The following ZNF106 variants were observed in gnomAD, a reference collection of about 807,000 sequenced individuals.
ZNF106 encodes zinc finger protein 106.
In ZNF106, 67 loss-of-function variants were observed where a neutral mutation model predicts 195.1. The observed-to-expected ratio is 0.34, with a 90% CI of 0.28 to 0.42. The LOEUF (loss-of-function observed/expected upper bound fraction) is 0.42, where lower values mean the gene tolerates loss of function less well. Ranked by LOEUF, ZNF106 falls within the 10% of genes least tolerant of loss-of-function variation. The pLI is 1.00. For missense variants in ZNF106, 2,118 were observed against 2,304.5 expected, an observed-to-expected ratio of 0.92 and a Z score of 1.66; for synonymous variants, 784 against 818.6, an observed-to-expected ratio of 0.96 and a Z score of 0.72.
At chr15:42,452,515 T>A (rs1445563962) in intron 4 of ZNF106, among the ~76,000 whole-genome samples, 1 of 151,328 alleles carries the variant, frequency 6.6e-6, no homozygotes, top group Non-Finnish European at 1.5e-5. Flanking sequence ...ACAGTGAGAC[T>A]CTCTCAAAAA....
In ZNF106 at chr15:42,416,481, A is replaced by G. The variant is rs2054465000; in HGVS notation, c.*823T>C. On this transcript the variant is annotated 3_prime_UTR_variant, in exon 22 of 22. Transcript: ENST00000564754. The stretch of plus-strand genomic sequence containing the variant: ...TTGCAGGGTCAGACACTAGAAAGGA[A>G]GATAAAGGTACACCTCCAGTTCAAC... 6.6e-6 allele frequency: 1 copy of G among 152,354 alleles called. No individual in the cohort carries two copies. Among genetic ancestry groups the G allele is most frequent in the East Asian group, 1.9e-4 (1 of 5,204 alleles). The allele number at this position is 152,354 out of a possible 1,614,324, so 9.4% of individuals were successfully genotyped here.
chr15:42,435,644 C>CAGG, intron 13 of ZNF106, 126 bp from the exon 14 acceptor site: 1 of 1,135,876 alleles, frequency 8.8e-7, no homozygotes, highest in Non-Finnish European at 1.3e-6. Flanking sequence ...AAAACAGCAC[C>CAGG]TGGTACACAA....
intron 3 of ZNF106, among the ~76,000 whole-genome samples, chr15:42,462,553 A>C (rs770476357): frequency 1.3e-5 from 2 of 151,788 alleles, no homozygotes; most frequent in Non-Finnish European, 2.9e-5. Context: ...AGCCGAGATC[A>C]CACCATTGCA....
intron 3 of ZNF106, among the ~76,000 whole-genome samples, chr15:42,464,032 G>C (rs1258030449): frequency 6.6e-6 from 1 of 152,102 alleles, no homozygotes; most frequent in Non-Finnish European, 1.5e-5. Context: ...GACCTAGGTT[G>C]ACATCCTGAT....
At chr15:42,428,987 G>T (rs1270639506) in intron 14 of ZNF106, among the ~76,000 whole-genome samples, 1 of 151,138 alleles carries the variant, frequency 6.6e-6, no homozygotes, top group African/African-American at 2.4e-5. Flanking sequence ...GGATGGTCTC[G>T]ATCTCCTGAC....
At chr15:42,423,370 C>CAA (rs113979691) in intron 17 of ZNF106, among the ~76,000 whole-genome samples, 1 of 135,162 alleles carries the variant, frequency 7.4e-6, no homozygotes, top group South Asian at 2.4e-4. Context: ...ACCCCTATCT[C>CAA]AAAAAAAAAA....
intron 10 of ZNF106, 185 bp downstream of exon 10, chr15:42,441,888 T>C (rs2055547943): frequency 4.7e-6 from 2 of 426,306 alleles, no homozygotes; most frequent in South Asian, 6.1e-5. Context: ...ATGACTGATA[T>C]TTAAATTACA....
intron 3 of ZNF106, among the ~76,000 whole-genome samples, chr15:42,463,088 G>A (rs1049938796): frequency 4.0e-5 from 6 of 151,746 alleles, no homozygotes; most frequent in African/African-American, 7.3e-5. Flanking sequence ...CACGAGCACC[G>A]CGGCCGGCCC....
At chr15:42,477,556 C>G (rs182331320) in intron 1 of ZNF106, among the ~76,000 whole-genome samples, 111 of 152,284 alleles carry the variant, frequency 7.3e-4, no homozygotes, top group African/African-American at 2.5e-3. Context: ...CTAGGCTGAT[C>G]AACACAGCAA....
Position 42,442,196 on chromosome 15 carries a change from G to T in ZNF106, c.3640C>A (p.Pro1214Thr), listed in dbSNP as rs756230104. The T allele has an allele frequency of 1.2e-6, 2 of 1,614,138 alleles. No homozygotes were observed. The highest frequency in any genetic ancestry group is 1.7e-6 in the Non-Finnish European group (2 of 1,180,004). The change falls in exon 10 of 22, where the codon CCT (proline) becomes ACT (threonine). Residue 1214 changes from proline (P) to threonine (T), a missense_variant. Physicochemically the swap from Pro to Thr is conservative, Grantham distance 38. Transcript: ENST00000564754. ...SPTFQTHGSV[P>T]APDSSVQIKQ... is the part of the protein sequence containing the mutation. ...ATCTGAACTGATGAGTCTGGAGCAG[G>T]GACACTGCCATGGGTTTGGAAAGTA... is the stretch of plus-strand genomic sequence containing the variant.
At chr15:42,418,896 A>C (rs2054551956) in intron 20 of ZNF106, among the ~76,000 whole-genome samples, 1 of 151,876 alleles carries the variant, frequency 6.6e-6, no homozygotes, top group East Asian at 1.9e-4. Context: ...AACGTGGCTT[A>C]ATTTCATGTA....
chr15:42,447,835 T>C (rs1595464641), intron 6 of ZNF106, among the ~76,000 whole-genome samples: 2 of 152,260 alleles, frequency 1.3e-5, no homozygotes, highest in South Asian at 4.1e-4. Flanking sequence ...TGGACACTGG[T>C]TTTAGATATG....
At chr15:42,488,977 C>G (rs1258076495) in intron 1 of ZNF106, among the ~76,000 whole-genome samples, 1 of 150,092 alleles carries the variant, frequency 6.7e-6, no homozygotes, top group Non-Finnish European at 1.5e-5. Context: ...ACTCGGGAGG[C>G]TGAGGCAGGA....
chr15:42,454,272 ACT>A (rs1249729580), intron 4 of ZNF106, among the ~76,000 whole-genome samples: 1 of 151,732 alleles, frequency 6.6e-6, no homozygotes, highest in Non-Finnish European at 1.5e-5. Context: ...TAAACAGGAG[ACT>A]CTTTAGAAAG....
intron 1 of ZNF106, among the ~76,000 whole-genome samples, chr15:42,479,404 C>T (rs1042308175): frequency 3.3e-5 from 5 of 152,072 alleles, no homozygotes; most frequent in African/African-American, 1.2e-4. Context: ...TTATTACAGT[C>T]AAAGAACACA....
rs1406176459 is a variant in ZNF106 at position 42,437,218 on chromosome 15, T to C, written c.4746+14A>G. ...CCTGCAACCAAAAACATTCTACATGTTCTATCAACTTACCACCAGATTATA... is the reference window on the plus strand; with the variant it reads ...CCTGCAACCAAAAACATTCTACATGCTCTATCAACTTACCACCAGATTATA... On this transcript the variant is annotated intron_variant, in intron 13 of 21. Transcript: ENST00000564754. 1 of 1,603,640 alleles carries C rather than the reference T, an allele frequency of 6.2e-7. No homozygotes were observed. Among genetic ancestry groups the C allele is most frequent in the Admixed American group, 1.7e-5 (1 of 57,660 alleles).
rs1009969012 is a variant in ZNF106, at chr15:42,424,772, G to A, written c.5190+62C>T. 40 of 1,525,914 alleles carry A rather than the reference G, an allele frequency of 2.6e-5. No homozygotes were observed. The African/African-American group carries it at 4.9e-4, about 19-fold the overall frequency. The allele number at this position is 1,525,914 out of a possible 1,614,324, so 94.5% of individuals were successfully genotyped here. The stretch of plus-strand genomic sequence containing the variant: ...TGGGACTACAGACGTGAGCCACCTC[G>A]CCTGGCCTCAAAACCCTTCTATTTG... On this transcript the variant is annotated intron_variant, in intron 16 of 21. Coordinates refer to ENST00000564754, the MANE Select transcript of ZNF106 (RefSeq NM_001366845.3).
rs2054423789 is a variant in ZNF106, at chr15:42,415,586, G to A, written c.*1718C>T. On this transcript the variant is annotated 3_prime_UTR_variant, in exon 22 of 22. Coordinates refer to ENST00000564754, the MANE Select transcript of ZNF106 (RefSeq NM_001366845.3). Reference sequence around the variant, plus strand: ...GTGAAGTCCCCCTGCCCGATAGCCTGAGGGAAGACATGTGAGTGGATATAT... The same window carrying A: ...GTGAAGTCCCCCTGCCCGATAGCCTAAGGGAAGACATGTGAGTGGATATAT... The A allele has an allele frequency of 4.7e-6, 2 of 428,938 alleles. No homozygotes were observed. The highest frequency in any genetic ancestry group is 9.4e-6 in the Non-Finnish European group (2 of 213,866). 26.6% of individuals were successfully genotyped at this position (428,938 alleles called of 1,614,324 possible).
intron 3 of ZNF106, among the ~76,000 whole-genome samples, chr15:42,462,236 A>G (rs2056407510): frequency 6.6e-6 from 1 of 152,204 alleles, no homozygotes; most frequent in Admixed American, 6.5e-5. Flanking sequence ...AACACATTAC[A>G]GAACAAAACA....
Sources: gnomAD v4.1 joint callset for allele counts (sites outside exome capture counted in the v4.1 genomes callset) on GRCh38, gnomAD v4.1.1 for gene constraint, MANE v1.5 for transcripts, NCBI Gene and HGNC (gene_info 2026-07-23, HGNC 2026-07-21) for gene names.